The following KCNH8 variants were observed in gnomAD, a reference collection of about 807,000 sequenced individuals.
KCNH8 encodes the protein potassium voltage-gated channel subfamily H member 8, also known as voltage-gated delayed rectifier potassium channel KCNH8.
In KCNH8, 70 loss-of-function variants were observed where a neutral mutation model predicts 103.6. The observed-to-expected ratio is 0.68, with a 90% CI of 0.56 to 0.82. KCNH8 has a LOEUF of 0.82. KCNH8 is among the 40% of genes least tolerant of loss of function. The pLI is 0.00. For synonymous variants in KCNH8, 498 were observed against 489.4 expected (o/e 1.02, Z -0.23); for missense variants, 1,217 against 1,329.9 (o/e 0.92, Z 1.32).
intron 11 of KCNH8, among the ~76,000 whole-genome samples, chr3:19,506,456 G>A (rs1469765366): frequency 3.3e-5 from 5 of 152,196 alleles, no homozygotes; most frequent in Non-Finnish European, 5.9e-5. Context: ...AGTTTGTGCT[G>A]TGATTCAATA....
intron 5 of KCNH8, among the ~76,000 whole-genome samples, chr3:19,361,168 A>G (rs996134629): frequency 2.6e-5 from 4 of 152,138 alleles, no homozygotes; most frequent in Non-Finnish European, 5.9e-5. Flanking sequence ...AAATAATAAC[A>G]GGAGAAACAT....
chr3:19,237,192 T>C (rs1268922548), intron 1 of KCNH8, among the ~76,000 whole-genome samples: 1 of 152,186 alleles, frequency 6.6e-6, no homozygotes, highest in Admixed American at 6.5e-5. Context: ...TGTTTTTAAT[T>C]GGTGTTTTCG....
chr3:19,257,081 A>G (rs571405387), intron 2 of KCNH8, among the ~76,000 whole-genome samples: 1 of 152,148 alleles, frequency 6.6e-6, no homozygotes, highest in African/African-American at 2.4e-5. Context: ...TTATTAGCCT[A>G]TGGGTACTTA....
At position 19,533,924 on chromosome 3, in the gene KCNH8, C is replaced by G; in HGVS notation, c.3149C>G (p.Ser1050Ter). 1 of 1,614,142 alleles carries G rather than the reference C, an allele frequency of 6.2e-7. No homozygotes were observed. Among genetic ancestry groups the G allele is most frequent in the South Asian group, 1.1e-5 (1 of 91,082 alleles). ...TTGCACCTAGTTCTCCCAAGCAGATCAGAGGAGGGCAGCTTCAGTCAGGGA... is the reference window on the plus strand; with the variant it reads ...TTGCACCTAGTTCTCCCAAGCAGATGAGAGGAGGGCAGCTTCAGTCAGGGA... ...TSLHLVLPSR[S>*]EEGSFSQGTV... Residue 1050 changes from serine to a stop codon, truncating the protein, a stop_gained, in exon 16 of 16, where the codon TCA becomes TGA. Coordinates refer to ENST00000328405, the MANE Select transcript of KCNH8 (RefSeq NM_144633.3). LOFTEE classifies it high-confidence loss of function.
At chr3:19,483,355 T>C (rs2068130422) in intron 11 of KCNH8, among the ~76,000 whole-genome samples, 1 of 152,220 alleles carries the variant, frequency 6.6e-6, no homozygotes, top group Non-Finnish European at 1.5e-5. Context: ...GTTACCACTA[T>C]ACAGTTTCTG....
chr3:19,442,408 G>A (rs1217100169), intron 8 of KCNH8, among the ~76,000 whole-genome samples: 2 of 152,088 alleles, frequency 1.3e-5, no homozygotes, highest in Non-Finnish European at 1.5e-5. Context: ...TAAGATAATT[G>A]AGCTTATTAT....
intron 15 of KCNH8, among the ~76,000 whole-genome samples, chr3:19,530,941 C>T (rs549600812): frequency 6.6e-6 from 1 of 152,324 alleles, no homozygotes; most frequent in East Asian, 1.9e-4. Context: ...AATGATAGTA[C>T]ATCCCTGCCT....
chr3:19,277,026 T>G (rs1382035341), intron 2 of KCNH8, among the ~76,000 whole-genome samples: 1 of 152,090 alleles, frequency 6.6e-6, no homozygotes, highest in Non-Finnish European at 1.5e-5. Flanking sequence ...CCATAAAAAA[T>G]GAAGTTCTGT....
At chr3:19,318,781 G>A (rs535784692) in intron 3 of KCNH8, among the ~76,000 whole-genome samples, 1 of 151,496 alleles carries the variant, frequency 6.6e-6, no homozygotes, top group Middle Eastern at 3.2e-3. Flanking sequence ...CAGTGTAAAG[G>A]TGTTCCCTTT....
intron 2 of KCNH8, among the ~76,000 whole-genome samples, chr3:19,258,914 T>TCC (rs2064382156): frequency 2.0e-5 from 1 of 49,848 alleles, no homozygotes; most frequent in African/African-American, 9.3e-5. Flanking sequence ...TTTCTCTCTC[T>TCC]CTCTCTCTCT....
At chr3:19,402,900 G>A (rs901807109) in intron 7 of KCNH8, among the ~76,000 whole-genome samples, 1 of 151,698 alleles carries the variant, frequency 6.6e-6, no homozygotes, top group African/African-American at 2.4e-5. Flanking sequence ...CCACATTCTC[G>A]TTAGTCATTT....
intron 7 of KCNH8, among the ~76,000 whole-genome samples, chr3:19,415,861 A>G (rs2066855809): frequency 6.6e-6 from 1 of 152,026 alleles, no homozygotes; most frequent in South Asian, 2.1e-4. Context: ...AATTGTTACC[A>G]GTGTTTTTCA....
At chr3:19,499,815 G>C (rs939479688) in intron 11 of KCNH8, among the ~76,000 whole-genome samples, 18 of 150,508 alleles carry the variant, frequency 1.2e-4, no homozygotes, top group African/African-American at 3.6e-4. Context: ...GAAACAACCG[G>C]TACCAGCCGC....
chr3:19,191,614 T>A (rs996535944), intron 1 of KCNH8, among the ~76,000 whole-genome samples: 1 of 151,888 alleles, frequency 6.6e-6, no homozygotes, highest in Non-Finnish European at 1.5e-5. Flanking sequence ...CTAGAACTCC[T>A]GTTAGATGCA....
intron 3 of KCNH8, among the ~76,000 whole-genome samples, chr3:19,319,327 G>T (rs1311446773): frequency 6.6e-6 from 1 of 151,990 alleles, no homozygotes; most frequent in African/African-American, 2.4e-5. Context: ...GCACCATCTT[G>T]AGTCGATTTT....
At chr3:19,396,547 T>G (rs1559307713) in intron 7 of KCNH8, among the ~76,000 whole-genome samples, 1 of 152,022 alleles carries the variant, frequency 6.6e-6, no homozygotes, top group Admixed American at 6.6e-5. Context: ...CAAAGCACTT[T>G]TTAAATGTCT....
At chr3:19,161,952 G>C (rs1291377500) in intron 1 of KCNH8, among the ~76,000 whole-genome samples, 4 of 151,712 alleles carry the variant, frequency 2.6e-5, no homozygotes, top group Non-Finnish European at 2.9e-5. Context: ...GATACTACGT[G>C]GTTTCTTTTT....
At chr3:19,496,792 C>T (rs938563718) in intron 11 of KCNH8, among the ~76,000 whole-genome samples, 1 of 152,046 alleles carries the variant, frequency 6.6e-6, no homozygotes, top group Non-Finnish European at 1.5e-5. Flanking sequence ...ATACATCTGG[C>T]AGAATTTGGC....
At chr3:19,519,477 C>T (rs1176267004) in intron 15 of KCNH8, among the ~76,000 whole-genome samples, 1 of 151,184 alleles carries the variant, frequency 6.6e-6, no homozygotes, top group Non-Finnish European at 1.5e-5. Context: ...ACTACCATCT[C>T]CCTTCTGCAC....
Sources: gnomAD v4.1 joint callset for allele counts (sites outside exome capture counted in the v4.1 genomes callset) on GRCh38, gnomAD v4.1.1 for gene constraint, MANE v1.5 for transcripts, NCBI Gene and HGNC (gene_info 2026-07-23, HGNC 2026-07-21) for gene names.